Variants in ANO10 observed in about 807,000 individuals in gnomAD.
ANO10 encodes the protein anoctamin 10.
In ANO10, 77 loss-of-function variants were observed where a neutral mutation model predicts 74.7. The observed-to-expected ratio is 1.03, with a 90% confidence interval of 0.86 to 1.25. The LOEUF (loss-of-function observed/expected upper bound fraction) is 1.25. ANO10 is among the 50% of genes most tolerant of loss of function. The pLI, the probability that ANO10 is intolerant of heterozygous loss-of-function variation, is 0.00. For synonymous variants in ANO10, 279 were observed against 284.9 expected, an observed-to-expected ratio of 0.98 and a Z score of 0.21; for missense variants, 721 against 778.1, an observed-to-expected ratio of 0.93 and a Z score of 0.87.
At position 43,513,603 on chromosome 3, in the gene ANO10, A is replaced by G. The variant is rs992092413; in HGVS notation, c.1797+36117T>C. 4.6e-5 allele frequency among the ~76,000 whole-genome samples: 7 copies of G among 152,114 alleles called. No individual in the cohort carries two copies. The East Asian group carries it at 5.8e-4, about 13-fold the overall frequency. On this transcript the variant is annotated intron_variant, in intron 11 of 12. Transcript: ENST00000292246. ...CCACTCACTGCAAGCTCCACCTCCA[A>G]GGGTTCACGCCATTCTCCTGCCTCA...
chr3:43,521,957 G>A (rs1024447985), intron 11 of ANO10, among the ~76,000 whole-genome samples: 7 of 152,152 alleles, frequency 4.6e-5, no homozygotes, highest in African/African-American at 1.7e-4. Flanking sequence ...ATATTATTTA[G>A]CCATAAAAAG....
At chr3:43,631,757 A>T (rs1575571356) in intron 1 of ANO10, among the ~76,000 whole-genome samples, 1 of 130,302 alleles carries the variant, frequency 7.7e-6, no homozygotes, top group Admixed American at 7.3e-5. Flanking sequence ...AGTGCTTATA[A>T]AAAAAAAAAA....
intron 11 of ANO10, among the ~76,000 whole-genome samples, chr3:43,548,448 TC>T (rs1402904720): frequency 6.6e-6 from 1 of 152,176 alleles, no homozygotes; most frequent in Non-Finnish European, 1.5e-5. Context: ...CATTTTCTTT[TC>T]CCTCCCACTC....
chr3:43,583,502 C>T (rs2081349524), intron 4 of ANO10, among the ~76,000 whole-genome samples: 1 of 152,146 alleles, frequency 6.6e-6, no homozygotes. Context: ...TACAGTAGGA[C>T]CCTCCAAATT....
intron 11 of ANO10, chr3:43,485,114 T>A: frequency 2.1e-6 from 2 of 947,252 alleles, no homozygotes; most frequent in South Asian, 1.4e-5. Context: ...TGCGATCACC[T>A]CCACCTTCAT....
intron 12 of ANO10, among the ~76,000 whole-genome samples, chr3:43,369,111 G>A (rs202210106): frequency 6.6e-6 from 1 of 152,356 alleles, no homozygotes; most frequent in East Asian, 1.9e-4. Flanking sequence ...TGTGACTTTT[G>A]TCTCACTTCC....
At chr3:43,413,228 C>A (rs556137307) in intron 12 of ANO10, among the ~76,000 whole-genome samples, 26 of 152,162 alleles carry the variant, frequency 1.7e-4, no homozygotes, top group Non-Finnish European at 3.7e-4. Context: ...TTCTCTCTTC[C>A]CCAGGCTGCA....
intron 11 of ANO10, among the ~76,000 whole-genome samples, chr3:43,446,330 G>A (rs1360238828): frequency 1.3e-5 from 2 of 152,174 alleles, no homozygotes; most frequent in East Asian, 3.8e-4. Context: ...CAAGGGAAGT[G>A]GGAAAAATGT....
At chr3:43,582,556 C>G (rs998711356) in intron 4 of ANO10, among the ~76,000 whole-genome samples, 1 of 151,920 alleles carries the variant, frequency 6.6e-6, no homozygotes, top group African/African-American at 2.4e-5. Context: ...AAAAGTAAAC[C>G]CAACTTCTTA....
At chr3:43,505,173 ACTAT>A (rs2077247780) in intron 11 of ANO10, among the ~76,000 whole-genome samples, 1 of 152,232 alleles carries the variant, frequency 6.6e-6, no homozygotes, top group Admixed American at 6.5e-5. Flanking sequence ...GTTTTTAAAT[ACTAT>A]CTAAGTTCTA....
At chr3:43,677,154 G>GGAATACTA (rs2084133709) in intron 1 of ANO10, among the ~76,000 whole-genome samples, 8 of 152,150 alleles carry the variant, frequency 5.3e-5, no homozygotes, top group African/African-American at 1.9e-4. Context: ...ATACTATGCA[G>GGAATACTA]CCCCAAAAAG....
chr3:43,601,269 G>T lies in ANO10; in HGVS notation c.140-688C>A, dbSNP rs559613771. On this transcript the variant is annotated intron_variant, in intron 2 of 12. Coordinates refer to ENST00000292246, the MANE Select transcript of ANO10 (RefSeq NM_018075.5). ...TGCCCAGGTTGGAGTACGGTGGCAC[G>T]ATCTTGGCTCACTGCAACCTCCACC... is the stretch of plus-strand genomic sequence containing the variant. Among the ~76,000 whole-genome samples, 4 of 152,232 alleles carry T rather than the reference G, an allele frequency of 2.6e-5. No homozygotes were observed. In the South Asian group the frequency reaches 6.2e-4, roughly 24 times the overall value.
At chr3:43,515,854 C>T (rs1175152594) in intron 11 of ANO10, among the ~76,000 whole-genome samples, 1 of 152,172 alleles carries the variant, frequency 6.6e-6, no homozygotes, top group Non-Finnish European at 1.5e-5. Context: ...CTTCTGACTA[C>T]TGAATATACC....
intron 1 of ANO10, among the ~76,000 whole-genome samples, chr3:43,665,528 A>C (rs534706293): frequency 3.9e-5 from 6 of 152,220 alleles, no homozygotes; most frequent in Admixed American, 6.5e-5. Flanking sequence ...ATATAATTTA[A>C]AAAAAAGAGA....
intron 11 of ANO10, among the ~76,000 whole-genome samples, chr3:43,539,080 C>T (rs2078843478): frequency 6.6e-6 from 1 of 152,108 alleles, no homozygotes; most frequent in African/African-American, 2.4e-5. Flanking sequence ...CCATCCATTA[C>T]CTCTTATCCC....
intron 12 of ANO10, among the ~76,000 whole-genome samples, chr3:43,429,903 G>C (rs1024653901): frequency 3.3e-5 from 5 of 152,074 alleles, no homozygotes; most frequent in Admixed American, 1.3e-4. Context: ...CATTACCCTA[G>C]TAAGGTTTGT....
At chr3:43,625,641 C>T (rs1035395730), upstream of ANO10, among the ~76,000 whole-genome samples, 9 of 152,306 alleles carry the variant, frequency 5.9e-5, no homozygotes, top group South Asian at 1.0e-3. Context: ...GTTAAAGAGA[C>T]ATTTGTCTTT....
intron 1 of ANO10, among the ~76,000 whole-genome samples, chr3:43,662,891 C>G (rs1389186865): frequency 2.0e-5 from 3 of 152,134 alleles, no homozygotes; most frequent in African/African-American, 7.2e-5. Context: ...GAAATTGAGG[C>G]AATAATTAAC....
At chr3:43,508,148 G>A (rs573124887) in intron 11 of ANO10, among the ~76,000 whole-genome samples, 6 of 152,188 alleles carry the variant, frequency 3.9e-5, no homozygotes, top group Admixed American at 3.9e-4. Context: ...TTCTATTGAA[G>A]GTACTTCTCC....
Sources: gnomAD v4.1 joint callset for allele counts (sites outside exome capture counted in the v4.1 genomes callset) on GRCh38, gnomAD v4.1.1 for gene constraint, MANE v1.5 for transcripts, NCBI Gene and HGNC (gene_info 2026-07-23, HGNC 2026-07-21) for gene names.